The following FBXO40 variants were observed in gnomAD, a reference collection of about 807,000 sequenced individuals.
FBXO40 encodes F-box only protein 40.
FBXO40 carries 50 observed loss-of-function variants against 49.9 expected under a neutral mutation model. That is an observed-to-expected ratio of 1.00 (90% confidence interval 0.80 to 1.27). The LOEUF (loss-of-function observed/expected upper bound fraction) is 1.27. Among genes scored for constraint, FBXO40 ranks in the 50% most tolerant of loss-of-function variants. FBXO40 has a pLI of 0.00. For synonymous variants in FBXO40, 340 were observed against 320.2 expected (o/e 1.06, Z -0.66); for missense variants, 895 against 870.1 (o/e 1.03, Z -0.36).
At chr3:121,612,278 CTGG>C (rs899551731) in intron 1 of FBXO40, among the ~76,000 whole-genome samples, 2 of 152,174 alleles carry the variant, frequency 1.3e-5, no homozygotes, top group African/African-American at 4.8e-5. Flanking sequence ...ACTTCGACGG[CTGG>C]TAAGAGGCCC....
chr3:121,625,617 G>A (rs575822457), intron 3 of FBXO40, among the ~76,000 whole-genome samples: 2 of 152,090 alleles, frequency 1.3e-5, no homozygotes, highest in African/African-American at 2.4e-5. Flanking sequence ...CCTAAAATCC[G>A]ATGTAAATAA....
intron 1 of FBXO40, among the ~76,000 whole-genome samples, chr3:121,609,648 CA>C (rs1287010698): frequency 1.3e-4 from 20 of 152,126 alleles, no homozygotes; most frequent in Non-Finnish European, 2.5e-4. Context: ...ACAAAAGTAA[CA>C]CTCGTTTGTT....
Position 121,622,309 on chromosome 3 carries a change from G to C in FBXO40, c.880G>C (p.Val294Leu), listed in dbSNP as rs2049036455. The change falls in exon 3 of 4, where the codon GTT becomes CTT. Residue 294 changes from valine to leucine, a missense_variant. Coordinates refer to ENST00000338040, the MANE Select transcript of FBXO40 (RefSeq NM_016298.4). Reference protein sequence around the residue: ...TTGLAPWQDGVLERLKTAVDA... With the variant: ...TTGLAPWQDGLLERLKTAVDA... ...AGGGCTTGCCCCTTGGCAGGATGGTGTTCTGGAAAGACTGAAAACAGCTGT... is the reference window on the plus strand; with the variant it reads ...AGGGCTTGCCCCTTGGCAGGATGGTCTTCTGGAAAGACTGAAAACAGCTGT... 2 of 1,614,140 alleles carry C rather than the reference G, an allele frequency of 1.2e-6. No individual in the cohort carries two copies. Among genetic ancestry groups the C allele is most frequent in the African/African-American group, 2.7e-5 (2 of 74,952 alleles).
chr3:121,595,584 G>A (rs1022787354), intron 1 of FBXO40, among the ~76,000 whole-genome samples: 2 of 152,184 alleles, frequency 1.3e-5, no homozygotes, highest in African/African-American at 2.4e-5. Flanking sequence ...AATGGATCTG[G>A]GAGAGGGTGG....
At chr3:121,613,654 A>G (rs566633192) in intron 1 of FBXO40, among the ~76,000 whole-genome samples, 2 of 152,226 alleles carry the variant, frequency 1.3e-5, no homozygotes, top group East Asian at 3.8e-4. Context: ...GGCGTTTCTA[A>G]TCTTGTCACA....
chr3:121,599,582 G>C (rs1197265632), intron 1 of FBXO40, among the ~76,000 whole-genome samples: 2 of 146,848 alleles, frequency 1.4e-5, no homozygotes, highest in African/African-American at 5.1e-5. Flanking sequence ...TCACAGTGAA[G>C]AATTTCTATA....
chr3:121,598,252 A>G (rs1053424299), intron 1 of FBXO40, among the ~76,000 whole-genome samples: 1 of 152,248 alleles, frequency 6.6e-6, no homozygotes, highest in African/African-American at 2.4e-5. Context: ...GTCAGGCAAA[A>G]GAGCAAGCAA....
In FBXO40 at chr3:121,600,791, G is replaced by T. The variant is rs77891765; in HGVS notation, c.-31+7289G>T. On this transcript the variant is annotated intron_variant, in intron 1 of 3. Coordinates refer to ENST00000338040, the MANE Select transcript of FBXO40 (RefSeq NM_016298.4). ...ATGGTTGTTGTGAGAATTAAATGAG[G>T]TGTTATGTAAAAGCATAGGAAAGGC... Among the ~76,000 whole-genome samples the T allele has an allele frequency of 5.7e-4, 87 of 152,320 alleles. No individual in the cohort carries two copies. The East Asian group carries it at 0.015, about 27-fold the overall frequency.
At chr3:121,611,887 C>T (rs577435741) in intron 1 of FBXO40, among the ~76,000 whole-genome samples, 1 of 152,348 alleles carries the variant, frequency 6.6e-6, no homozygotes, top group East Asian at 1.9e-4. Flanking sequence ...AAGGCACGTC[C>T]TGCACAGCCC....
chr3:121,626,970 G>C lies in FBXO40; in HGVS notation c.*60G>C, dbSNP rs751613047. On this transcript the variant is annotated 3_prime_UTR_variant, in exon 4 of 4. Coordinates refer to ENST00000338040, the MANE Select transcript of FBXO40 (RefSeq NM_016298.4). ...TTTCTTCTCGGAGTTCCTGAAGTAG[G>C]ACAGAGTGTGTGGTTTTGAGGACTC... 2.0e-6 allele frequency: 3 copies of C among 1,533,634 alleles called. No individual in the cohort carries two copies. The highest frequency in any genetic ancestry group is 2.7e-6 in the Non-Finnish European group (3 of 1,112,304).
At chr3:121,617,510 G>A (rs983277934) in intron 1 of FBXO40, among the ~76,000 whole-genome samples, 45 of 152,034 alleles carry the variant, frequency 3.0e-4, no homozygotes, top group African/African-American at 9.7e-4. Context: ...CAGGAGAATC[G>A]CTTGAACCTA....
chr3:121,594,557 C>A (rs2048861768), intron 1 of FBXO40, among the ~76,000 whole-genome samples: 1 of 152,160 alleles, frequency 6.6e-6, no homozygotes, highest in Admixed American at 6.5e-5. Context: ...TCAACATTTG[C>A]TATGTTTGCT....
At chr3:121,600,189 G>C (rs1414822220) in intron 1 of FBXO40, among the ~76,000 whole-genome samples, 1 of 135,930 alleles carries the variant, frequency 7.4e-6, no homozygotes. Flanking sequence ...TGTCACACTT[G>C]GCTGATTTTT....
At chr3:121,621,241 T>C (rs1197913371) in intron 2 of FBXO40, among the ~76,000 whole-genome samples, 192 bp from the exon 3 acceptor site, 1 of 152,242 alleles carries the variant, frequency 6.6e-6, no homozygotes, top group Non-Finnish European at 1.5e-5. Flanking sequence ...TAATAAACTA[T>C]TGGAAAATTC....
intron 3 of FBXO40, 127 bp from the exon 4 acceptor site, chr3:121,626,568 A>G: frequency 2.5e-6 from 2 of 807,248 alleles, no homozygotes; most frequent in Non-Finnish European, 4.1e-6. Context: ...TGTCTGCAGG[A>G]GCCACTAAAC....
chr3:121,621,413 C>A lies in FBXO40; in HGVS notation c.4-20C>A. Reference sequence around the variant, plus strand: ...CTCAGTATTCATTTGTTTTCTTCCCCCTGTCCTTGGTGTGTCCAGGGGAAA... The same window carrying A: ...CTCAGTATTCATTTGTTTTCTTCCCACTGTCCTTGGTGTGTCCAGGGGAAA... On this transcript the variant is annotated intron_variant, in intron 2 of 3. Transcript: ENST00000338040. 6.3e-7 allele frequency: 1 copy of A among 1,590,450 alleles called. No individual in the cohort carries two copies. Among genetic ancestry groups the A allele is most frequent in the South Asian group, 1.1e-5 (1 of 88,394 alleles).
rs540611706 is a variant in FBXO40 at position 121,623,073 on chromosome 3, G to T, written c.1644G>T (p.Glu548Asp). 1.0e-4 allele frequency: 165 copies of T among 1,614,228 alleles called. 1 individual carries two copies. In the South Asian group the frequency reaches 1.6e-3, roughly 16 times the overall value. ...TCAAGACCTTTGCCATTAAGCCGGA[G>T]GTTGCTCCAGAGCTGAGCGAGGGAA... ...QELKTFAIKPEVAPELSEGRK... is the reference protein window; with the variant it reads ...QELKTFAIKPDVAPELSEGRK... Residue 548 changes from glutamate to aspartate, a missense_variant, in exon 3 of 4, where the codon GAG (glutamate) becomes GAT (aspartate). By Grantham distance (45) the Glu-to-Asp change is conservative (BLOSUM62 2). Transcript: ENST00000338040.
chr3:121,615,400 C>T (rs6438640), intron 1 of FBXO40, among the ~76,000 whole-genome samples: 149,107 of 151,366 alleles, frequency 0.99, 73,450 homozygotes, highest in East Asian at 1. Flanking sequence ...CTTCTAAAAA[C>T]ATTAAATTAG....
In FBXO40 at chr3:121,622,227, G is replaced by A. The variant is rs2049035912; in HGVS notation, c.798G>A (p.Lys266=). 2 of 1,614,164 alleles carry A rather than the reference G, an allele frequency of 1.2e-6. No homozygotes were observed. The highest frequency in any genetic ancestry group is 1.7e-6 in the Non-Finnish European group (2 of 1,180,018). The change falls in exon 3 of 4, where the codon AAG becomes AAA. Residue 266 remains lysine (K), a synonymous_variant. Transcript: ENST00000338040. ...NMVEGEGAPK[K]KEPQENQKQQ... Reference sequence around the variant, plus strand: ...TAGAAGGAGAGGGCGCTCCCAAAAAGAAAGAACCACAGGAAAATCAGAAGC... The same window carrying A: ...TAGAAGGAGAGGGCGCTCCCAAAAAAAAAGAACCACAGGAAAATCAGAAGC...
Sources: gnomAD v4.1 joint callset for allele counts (sites outside exome capture counted in the v4.1 genomes callset) on GRCh38, gnomAD v4.1.1 for gene constraint, MANE v1.5 for transcripts, NCBI Gene and HGNC (gene_info 2026-07-23, HGNC 2026-07-21) for gene names.